ART4: variants seen among roughly 807,000 people sequenced by gnomAD.
ART4 encodes ADP-ribosyltransferase 4 (inactive) (Dombrock blood group), also known as ecto-ADP-ribosyltransferase 4.
In ART4, 14 loss-of-function variants were observed where a neutral mutation model predicts 24.2. The ratio of observed to expected loss-of-function variants is 0.58; its 90% confidence interval spans 0.38 to 0.90. The LOEUF is 0.90. Among genes scored for constraint, ART4 ranks in the 40% least tolerant of loss-of-function variants. ART4 has a pLI of 0.00. For missense variants in ART4, 356 were observed against 366.6 expected, an observed-to-expected ratio of 0.97 and a Z score of 0.24; for synonymous variants, 145 against 139.9, an observed-to-expected ratio of 1.04 and a Z score of -0.26.
intron 1 of ART4, among the ~76,000 whole-genome samples, chr12:14,842,277 C>G (rs1863063067): frequency 6.6e-6 from 1 of 152,122 alleles, no homozygotes; most frequent in South Asian, 2.1e-4. Flanking sequence ...CACATTCCAT[C>G]CAGTCAATGT....
chr12:14,842,881 A>C, intron 1 of ART4, 89 bp downstream of exon 1: 7 of 1,436,180 alleles, frequency 4.9e-6, no homozygotes. Flanking sequence ...TGAATGCCTA[A>C]GTTTTCGGCC....
Position 14,827,405 on chromosome 12 carries a change from T to G in ART4, c.*1966A>C, listed in dbSNP as rs991296912. 21 of 152,502 alleles carry G rather than the reference T, an allele frequency of 1.4e-4. No homozygotes were observed. The highest frequency in any genetic ancestry group is 5.1e-4 in the African/African-American group (21 of 41,436). The allele number at this position is 152,502 out of a possible 1,614,324, so 9.4% of individuals were successfully genotyped here. A position where few individuals can be genotyped will look rare whatever the true frequency, so the allele number is the denominator to read the frequency against. ...ATTGTCTGTTTGTAGAAATTCTTTC[T>G]TTTTTTCTTTTTTTGAGATCGAGTC... On this transcript the variant is annotated 3_prime_UTR_variant, in exon 3 of 3. Coordinates refer to ENST00000228936, the MANE Select transcript of ART4 (RefSeq NM_021071.4).
At chr12:14,832,359 A>G (rs1004560290) in intron 2 of ART4, among the ~76,000 whole-genome samples, 3 of 152,060 alleles carry the variant, frequency 2.0e-5, no homozygotes, top group Non-Finnish European at 4.4e-5. Flanking sequence ...TCAGATATAC[A>G]TGGGACTGGC....
chr12:14,841,294 C>G (rs1863049236), intron 1 of ART4, 141 bp from the exon 2 acceptor site: 2 of 729,094 alleles, frequency 2.7e-6, no homozygotes, highest in Non-Finnish European at 4.4e-6. Context: ...AATCATTACA[C>G]TGTTCCAATC....
intron 1 of ART4, among the ~76,000 whole-genome samples, chr12:14,842,748 T>G (rs935796061): frequency 7.2e-5 from 11 of 152,242 alleles, no homozygotes; most frequent in African/African-American, 2.7e-4. Context: ...GAAAATAACT[T>G]TATGCCACTA....
At position 14,841,083 on chromosome 12, in the gene ART4, T is replaced by C; in HGVS notation, c.215A>G (p.Gln72Arg). 1.2e-6 allele frequency: 2 copies of C among 1,614,204 alleles called. No homozygotes were observed. Among genetic ancestry groups the C allele is most frequent in the Non-Finnish European group, 1.7e-6 (2 of 1,180,012 alleles). Residue 72 changes from glutamine (Q) to arginine (R), a missense_variant, in exon 2 of 3, where the codon CAG becomes CGG. Gln to Arg is a conservative substitution (Grantham distance 43). Coordinates refer to ENST00000228936, the MANE Select transcript of ART4 (RefSeq NM_021071.4). Reference protein sequence around the residue: ...FDDQYQGCSKQVMEKLTQGDY... With the variant: ...FDDQYQGCSKRVMEKLTQGDY... ...CCCTTGAGTTAGTTTCTCCATAACCTGTTTGCTACAGCCTTGGTACTGATC... is the reference window on the plus strand; with the variant it reads ...CCCTTGAGTTAGTTTCTCCATAACCCGTTTGCTACAGCCTTGGTACTGATC...
chr12:14,840,462 T>G lies in ART4; in HGVS notation c.836A>C (p.Asn279Thr), dbSNP rs748424583. ...LRSTGNLSTY[N>T]CQLLKASSKK... ...AAGAATACCTTTTAGCAGCTGACAG[T>G]TATATGTGCTCAGGTTCCCAGTTGA... The change falls in exon 2 of 3, where the codon AAC becomes ACC. Residue 279 changes from asparagine (N) to threonine (T), a missense_variant. Coordinates refer to ENST00000228936, the MANE Select transcript of ART4 (RefSeq NM_021071.4). 3 of 1,611,706 alleles carry G rather than the reference T, an allele frequency of 1.9e-6. No individual in the cohort carries two copies. In the South Asian group the frequency reaches 3.3e-5, roughly 18 times the overall value.
At chr12:14,838,452 G>C (rs1950444532) in intron 2 of ART4, among the ~76,000 whole-genome samples, 1 of 152,082 alleles carries the variant, frequency 6.6e-6, no homozygotes. Context: ...ATCCTAGTCA[G>C]GTGTAGTTCC....
chr12:14,834,001 A>T (rs1950412842), intron 2 of ART4, among the ~76,000 whole-genome samples: 1 of 152,214 alleles, frequency 6.6e-6, no homozygotes, highest in Non-Finnish European at 1.5e-5. Context: ...TTCCATGTGC[A>T]AAGTACTTTC....
intron 2 of ART4, among the ~76,000 whole-genome samples, chr12:14,830,949 G>GC (rs1555088880): frequency 6.7e-6 from 1 of 148,646 alleles, no homozygotes; most frequent in African/African-American, 2.5e-5. Context: ...AACGATTTTT[G>GC]TTTTTTTTTC....
Position 14,840,983 on chromosome 12 carries a change from A to T in ART4, c.315T>A (p.Leu105=). Residue 105 remains leucine, a synonymous_variant, in exon 2 of 3, where the codon CTT becomes CTA. Coordinates refer to ENST00000228936, the MANE Select transcript of ART4 (RefSeq NM_021071.4). ...TCTGGGGTAGAACTTTTCCTTGGTT[A>T]AGCCAGGCTAAGTGGGCTTTTTGCC... ...RMWQKAHLAW[L]NQGKVLPQNM... 6.2e-7 allele frequency: 1 copy of T among 1,614,180 alleles called. No individual in the cohort carries two copies. The highest frequency in any genetic ancestry group is 8.5e-7 in the Non-Finnish European group (1 of 1,180,036).
At position 14,840,975 on chromosome 12, in the gene ART4, C is replaced by A. The variant is rs28362797; in HGVS notation, c.323G>T (p.Gly108Val). ...QKAHLAWLNQ[G>V]KVLPQNMTTT... ...AGTCATGTTCTGGGGTAGAACTTTTCCTTGGTTAAGCCAGGCTAAGTGGGC... is the reference window on the plus strand; with the variant it reads ...AGTCATGTTCTGGGGTAGAACTTTTACTTGGTTAAGCCAGGCTAAGTGGGC... The change falls in exon 2 of 3, where the codon GGA becomes GTA. Residue 108 changes from glycine to valine, a missense_variant. Gly to Val is a moderately radical substitution (Grantham distance 109). Transcript: ENST00000228936. The A allele has an allele frequency of 2.9e-3, 4,698 of 1,614,124 alleles. 118 individuals are homozygous for A. In the African/African-American group the frequency reaches 0.054, roughly 19 times the overall value.
chr12:14,829,882 A>G (rs902222100), intron 2 of ART4, among the ~76,000 whole-genome samples: 4 of 152,174 alleles, frequency 2.6e-5, no homozygotes, highest in South Asian at 2.1e-4. Context: ...CAACAAACCT[A>G]TGAGATTTTT....
intron 1 of ART4, among the ~76,000 whole-genome samples, chr12:14,842,578 T>TAA (rs1863067155): frequency 6.6e-6 from 1 of 152,240 alleles, no homozygotes; most frequent in Non-Finnish European, 1.5e-5. Context: ...TGTCATCTCT[T>TAA]AACATTAGGT....
rs926189320 is a variant in ART4 at position 14,840,907 on chromosome 12, T to A, written c.391A>T (p.Asn131Tyr). Residue 131 changes from asparagine to tyrosine, a missense_variant, in exon 2 of 3, where the codon AAT becomes TAT. By Grantham distance (143) the Asn-to-Tyr change is moderately radical. Coordinates refer to ENST00000228936, the MANE Select transcript of ART4 (RefSeq NM_021071.4). ...VAILFYTLNS[N>Y]VHSDFTRAMA... ...GCTCTAGTAAAGTCAGAATGAACAT[T>A]GCTGTTCAATGTATAAAACAAAATA... The A allele has an allele frequency of 5.0e-6, 8 of 1,614,232 alleles. No homozygotes were observed. The highest frequency in any genetic ancestry group is 6.8e-6 in the Non-Finnish European group (8 of 1,180,032).
At chr12:14,836,450 G>A (rs983784098) in intron 2 of ART4, among the ~76,000 whole-genome samples, 3 of 152,064 alleles carry the variant, frequency 2.0e-5, no homozygotes, top group Admixed American at 6.5e-5. Flanking sequence ...CAAGAGGGAA[G>A]GCACAAGATT....
At chr12:14,833,981 A>G (rs1410591144) in intron 2 of ART4, among the ~76,000 whole-genome samples, 1 of 152,172 alleles carries the variant, frequency 6.6e-6, no homozygotes, top group African/African-American at 2.4e-5. Flanking sequence ...CCATTAAACC[A>G]TTATCCCACT....
intron 2 of ART4, among the ~76,000 whole-genome samples, chr12:14,839,347 T>C (rs1400756141): frequency 6.6e-6 from 1 of 152,192 alleles, no homozygotes; most frequent in Non-Finnish European, 1.5e-5. Context: ...TTGAAATCCT[T>C]GTGATTAACA....
chr12:14,828,225 ACT>A lies in ART4; in HGVS notation c.*1144_*1145del, dbSNP rs972379864. 5 of 151,922 alleles carry A rather than the reference ACT, an allele frequency of 3.3e-5. No individual in the cohort carries two copies. Among genetic ancestry groups the A allele is most frequent in the African/African-American group, 4.8e-5 (2 of 41,338 alleles). 9.4% of individuals were successfully genotyped at this position (151,922 alleles called of 1,614,324 possible). A position where few individuals can be genotyped will look rare whatever the true frequency, so the allele number is the denominator to read the frequency against. On this transcript the variant is annotated 3_prime_UTR_variant, in exon 3 of 3. Coordinates refer to ENST00000228936, the MANE Select transcript of ART4 (RefSeq NM_021071.4). ...TGTAATCAGTGTTTTTTTCTCTCAT[ACT>A]CTCTGTTAACCTTCACACATACCCT... is the stretch of plus-strand genomic sequence containing the variant.
Sources: gnomAD v4.1 joint callset for allele counts (sites outside exome capture counted in the v4.1 genomes callset) on GRCh38, gnomAD v4.1.1 for gene constraint, MANE v1.5 for transcripts, NCBI Gene and HGNC (gene_info 2026-07-23, HGNC 2026-07-21) for gene names.